The following PDE1C variants were observed in gnomAD, a reference collection of about 807,000 sequenced individuals.
PDE1C encodes phosphodiesterase 1C.
In PDE1C, 62 loss-of-function variants were observed where a neutral mutation model predicts 93.1. The observed-to-expected ratio is 0.67, with a 90% CI of 0.54 to 0.82. The LOEUF (loss-of-function observed/expected upper bound fraction) is 0.82, where lower values mean the gene tolerates loss of function less well. Among genes scored for constraint, PDE1C ranks in the 40% least tolerant of loss-of-function variants. The pLI is 0.00. For synonymous variants in PDE1C, 325 were observed against 310.1 expected, an observed-to-expected ratio of 1.05 and a Z score of -0.50; for missense variants, 742 against 884.6, an observed-to-expected ratio of 0.84 and a Z score of 2.04.
At chr7:31,760,910 G>C (rs1306167227) in intron 17 of PDE1C, among the ~76,000 whole-genome samples, 1 of 152,094 alleles carries the variant, frequency 6.6e-6, no homozygotes, top group East Asian at 1.9e-4. Context: ...ATCAGTATCT[G>C]TTTGTGGTAG....
intron 3 of PDE1C, among the ~76,000 whole-genome samples, chr7:32,154,835 G>C (rs974377692): frequency 6.6e-6 from 1 of 152,248 alleles, no homozygotes; most frequent in Admixed American, 6.5e-5. Flanking sequence ...GGAGGCAAAT[G>C]TGTGGCAGAC....
At chr7:32,201,247 T>A (rs1200594559) in intron 2 of PDE1C, among the ~76,000 whole-genome samples, 1 of 152,256 alleles carries the variant, frequency 6.6e-6, no homozygotes, top group Non-Finnish European at 1.5e-5. Context: ...GTTATCCTCG[T>A]CTGTCTCTTG....
chr7:32,305,262 C>A (rs1037794773), intron 1 of PDE1C, among the ~76,000 whole-genome samples: 2 of 152,194 alleles, frequency 1.3e-5, no homozygotes, highest in Admixed American at 1.3e-4. Flanking sequence ...GTCTTGTGAA[C>A]CTGCTGCATC....
chr7:32,388,678 T>TAAAAAA (rs5883343), intron 1 of PDE1C, among the ~76,000 whole-genome samples: 30 of 81,578 alleles, frequency 3.7e-4, no homozygotes, highest in African/African-American at 1.5e-3. Flanking sequence ...GTCCCATTTC[T>TAAAAAA]AAAAAAAAAA....
At chr7:32,000,515 C>T (rs1785320049) in intron 2 of PDE1C, among the ~76,000 whole-genome samples, 1 of 152,148 alleles carries the variant, frequency 6.6e-6, no homozygotes, top group Admixed American at 6.5e-5. Context: ...GACCTGAGCC[C>T]ATGATGGCAG....
chr7:31,779,475 T>C (rs1783239305), intron 16 of PDE1C, among the ~76,000 whole-genome samples: 1 of 152,194 alleles, frequency 6.6e-6, no homozygotes. Context: ...CCCCTTGGTG[T>C]CTTCTTTGCA....
intron 3 of PDE1C, among the ~76,000 whole-genome samples, chr7:32,095,003 T>C (rs997358918): frequency 1.3e-5 from 2 of 152,192 alleles, no homozygotes; most frequent in Non-Finnish European, 2.9e-5. Flanking sequence ...TCCCAGCCCC[T>C]GCTAAGATCT....
At chr7:32,026,563 C>G (rs532467308) in intron 2 of PDE1C, among the ~76,000 whole-genome samples, 4 of 152,246 alleles carry the variant, frequency 2.6e-5, no homozygotes, top group Non-Finnish European at 5.9e-5. Flanking sequence ...GGAACTCTCC[C>G]TCATTGCTGG....
intron 3 of PDE1C, among the ~76,000 whole-genome samples, chr7:32,090,873 C>A (rs7789814): frequency 1.3e-5 from 2 of 152,244 alleles, no homozygotes; most frequent in Admixed American, 6.5e-5. Context: ...TGTGTGCATG[C>A]GATGTGTGTG....
At chr7:31,790,135 C>T in intron 16 of PDE1C, 1 of 1,585,792 alleles carries the variant, frequency 6.3e-7, no homozygotes, top group African/African-American at 1.4e-5. Flanking sequence ...AAGTTGTACA[C>T]CTTCTCCAGA....
intron 2 of PDE1C, among the ~76,000 whole-genome samples, chr7:31,952,793 A>G (rs1021341503): frequency 8.5e-5 from 13 of 152,162 alleles, no homozygotes; most frequent in African/African-American, 3.1e-4. Flanking sequence ...ACAAATATAA[A>G]TAAACTTATT....
Position 31,880,443 on chromosome 7 carries a change from C to T in PDE1C, c.242+304G>A, listed in dbSNP as rs527371439. ...AAAACATACAATAATTACAATGGAGCTCTATATCTGATTTTTAAAATCTTA... is the reference window on the plus strand; with the variant it reads ...AAAACATACAATAATTACAATGGAGTTCTATATCTGATTTTTAAAATCTTA... On this transcript the variant is annotated intron_variant, in intron 3 of 17. Coordinates refer to ENST00000396191, the MANE Select transcript of PDE1C (RefSeq NM_001191057.4). 5.3e-5 allele frequency among the ~76,000 whole-genome samples: 8 copies of T among 152,248 alleles called. No individual in the cohort carries two copies. In the South Asian group the frequency reaches 1.7e-3, roughly 32 times the overall value.
chr7:31,664,790 C>T, the PDE1C span, among the ~76,000 whole-genome samples: 1 of 152,200 alleles, frequency 6.6e-6, no homozygotes, highest in African/African-American at 2.4e-5. Context: ...ATTTTCCATT[C>T]TATGTCTTGG....
At chr7:32,128,038 G>A (rs375884494) in intron 3 of PDE1C, among the ~76,000 whole-genome samples, 12 of 152,016 alleles carry the variant, frequency 7.9e-5, no homozygotes, top group East Asian at 5.8e-4. Context: ...CACATACATG[G>A]ATTAGAATTG....
intron 3 of PDE1C, among the ~76,000 whole-genome samples, chr7:32,142,461 C>A (rs372903798): frequency 6.6e-6 from 1 of 152,056 alleles, no homozygotes; most frequent in African/African-American, 2.4e-5. Context: ...CCAGAAGGGA[C>A]GTGAAAGTGA....
chr7:31,809,055 C>G lies in PDE1C; in HGVS notation c.1867G>C (p.Gly623Arg), dbSNP rs553193635. The change falls in exon 16 of 18, where the codon GGA becomes CGA. Residue 623 changes from glycine to arginine, a missense_variant. By Grantham distance (125) the Gly-to-Arg change is moderately radical (BLOSUM62 -2). This residue lies in a region of PDE1C where 454 missense variants were observed against 459.4 expected (regional missense o/e 0.99). Coordinates refer to ENST00000396191, the MANE Select transcript of PDE1C (RefSeq NM_001191057.4). The part of the protein sequence containing the change: ...KTDKKDHSNI[G>R]NDSKKTDGTK... ...CCATCTGTTTTCTTTGAATCATTTC[C>G]GATGTTAGAGTGATCCTTCTTGTCT... 1 of 1,589,668 alleles carries G rather than the reference C, an allele frequency of 6.3e-7. No homozygotes were observed.
At chr7:32,412,282 CCT>C (rs1785185572) in intron 1 of PDE1C, among the ~76,000 whole-genome samples, 1 of 151,712 alleles carries the variant, frequency 6.6e-6, no homozygotes, top group African/African-American at 2.4e-5. Flanking sequence ...TGGTGAGACC[CCT>C]GTTTATACTA....
intron 3 of PDE1C, among the ~76,000 whole-genome samples, chr7:32,125,986 T>C (rs1227689739): frequency 6.6e-6 from 1 of 152,048 alleles, no homozygotes; most frequent in South Asian, 2.1e-4. Flanking sequence ...AGATGCAGAA[T>C]TGGAACTATT....
chr7:32,132,814 T>A (rs375090002), intron 3 of PDE1C, among the ~76,000 whole-genome samples: 1 of 152,014 alleles, frequency 6.6e-6, no homozygotes, highest in African/African-American at 2.4e-5. Flanking sequence ...TGGACTAGAG[T>A]GGAGAAAAGA....
Sources: gnomAD v4.1 joint callset for allele counts (sites outside exome capture counted in the v4.1 genomes callset) on GRCh38, gnomAD v4.1.1 for gene constraint, gnomAD v4.1.1 regional missense constraint, MANE v1.5 for transcripts, NCBI Gene and HGNC (gene_info 2026-07-23, HGNC 2026-07-21) for gene names.